The following SH3KBP1 variants were observed in gnomAD, a reference collection of about 807,000 sequenced individuals.
The protein encoded by SH3KBP1 is SH3 domain containing kinase binding protein 1.
SH3KBP1 carries 8 observed loss-of-function variants against 50.1 expected under a neutral mutation model. That is an observed-to-expected ratio of 0.16 (90% CI 0.09 to 0.29). The LOEUF (loss-of-function observed/expected upper bound fraction) is 0.29. SH3KBP1 is among the 10% of genes least tolerant of loss of function. SH3KBP1 has a pLI of 1.00. For missense variants in SH3KBP1, 377 were observed against 535.2 expected (o/e 0.70, Z 2.92); for synonymous variants, 227 against 218.6 (o/e 1.04, Z -0.34).
chrX:19,838,886 C>CAAAA (rs1187740894), intron 1 of SH3KBP1, among the ~76,000 whole-genome samples: 10 of 30,051 alleles, frequency 3.3e-4, no homozygotes, highest in African/African-American at 9.9e-4. Flanking sequence ...AACTTTGTCT[C>CAAAA]AAAAAAAAAA....
chrX:19,802,361 C>A (rs1247564764), intron 2 of SH3KBP1, among the ~76,000 whole-genome samples: 1 of 111,079 alleles, frequency 9.0e-6, no homozygotes, highest in African/African-American at 3.3e-5. Flanking sequence ...CACCACTGCA[C>A]TCCAAAATAT....
intron 9 of SH3KBP1, among the ~76,000 whole-genome samples, chrX:19,607,473 G>A (rs966590904): frequency 1.8e-5 from 2 of 111,959 alleles, no homozygotes. Context: ...GGATATGTGC[G>A]GGTGTACTCA....
chrX:19,543,570 G>C (rs2064998895), intron 15 of SH3KBP1, among the ~76,000 whole-genome samples: 1 of 111,727 alleles, frequency 9.0e-6, no homozygotes, highest in African/African-American at 3.3e-5. Flanking sequence ...TGGCCTGAAA[G>C]TTTAGGACTC....
chrX:19,779,612 A>G (rs1156801304), intron 2 of SH3KBP1, among the ~76,000 whole-genome samples: 13 of 82,037 alleles, frequency 1.6e-4, no homozygotes, highest in Non-Finnish European at 2.9e-4. Context: ...AGAGTGTGAT[A>G]TTCCCCTTCC....
chrX:19,752,292 T>C (rs1272284481), intron 2 of SH3KBP1, among the ~76,000 whole-genome samples: 2 of 112,321 alleles, frequency 1.8e-5, no homozygotes, highest in Non-Finnish European at 3.8e-5. Flanking sequence ...CCTTCTGTCA[T>C]CTGTAAAAGA....
intron 7 of SH3KBP1, among the ~76,000 whole-genome samples, chrX:19,634,665 G>C (rs772891357): frequency 9.0e-6 from 1 of 111,600 alleles, no homozygotes; most frequent in South Asian, 3.8e-4. Context: ...CGGTGGGCCA[G>C]AAGGCAGGAT....
intron 5 of SH3KBP1, chrX:19,687,543 G>C: frequency 1.2e-6 from 1 of 821,162 alleles, no homozygotes. Context: ...GCTCAGGAAA[G>C]GGCAGCTGCA....
At position 19,739,802 on chromosome X, in the gene SH3KBP1, AAGG is replaced by A. The variant is rs1335626099; in HGVS notation, c.286+6513_286+6515del. Among the ~76,000 whole-genome samples, 6 of 110,835 alleles carry A rather than the reference AAGG, an allele frequency of 5.4e-5. No individual in the cohort carries two copies. The East Asian group carries it at 1.4e-3, about 26-fold the overall frequency. ...AGGCATCCTCCATCAAGATTCTCCC[AAGG>A]AGAAGGAAAAGGTGGGCAGAAAGAG... is the stretch of plus-strand genomic sequence containing the variant. On this transcript the variant is annotated intron_variant, in intron 3 of 17. Coordinates refer to ENST00000397821, the MANE Select transcript of SH3KBP1 (RefSeq NM_031892.3).
intron 1 of SH3KBP1, among the ~76,000 whole-genome samples, chrX:19,850,295 T>C (rs1033855691): frequency 9.0e-6 from 1 of 110,784 alleles, no homozygotes; most frequent in African/African-American, 3.3e-5. Context: ...GTGATTCTCA[T>C]GTCTCAGCCT....
chrX:19,708,690 T>C (rs753040016), intron 3 of SH3KBP1, among the ~76,000 whole-genome samples: 1 of 112,065 alleles, frequency 8.9e-6, no homozygotes, highest in Admixed American at 9.4e-5. Flanking sequence ...AATCTTGGCA[T>C]CCCACTCCTG....
chrX:19,774,654 A>AAAAAG (rs2065906858), intron 2 of SH3KBP1, among the ~76,000 whole-genome samples: 1 of 77,279 alleles, frequency 1.3e-5, no homozygotes. Flanking sequence ...GTCTCAAAAA[A>AAAAAG]AAAGAAAGAA....
At chrX:19,873,281 T>C (rs962375715) in intron 1 of SH3KBP1, among the ~76,000 whole-genome samples, 10 of 86,870 alleles carry the variant, frequency 1.2e-4, no homozygotes, top group Middle Eastern at 5.3e-3. Context: ...GACATATATA[T>C]ATATATATGT....
chrX:19,548,825 A>AAGAGAGAGAGAGAGAG lies in SH3KBP1; in HGVS notation c.1494+1133_1494+1148dup, dbSNP rs61301072. ...CAAGGCAATGTGCTATATGGAAATA[A>AAGAGAGAGAGAGAGAG]AGAGAGAGAGAGAGAGAGAGAAATC... On this transcript the variant is annotated intron_variant, in intron 14 of 17. Coordinates refer to ENST00000397821, the MANE Select transcript of SH3KBP1 (RefSeq NM_031892.3). Among the ~76,000 whole-genome samples the AAGAGAGAGAGAGAGAG allele has an allele frequency of 5.5e-3, 560 of 102,459 alleles. 11 individuals carry two copies. The highest frequency in any genetic ancestry group is 0.02 in the African/African-American group (543 of 27,530). 89.0% of individuals were successfully genotyped at this position (102,459 alleles called of 115,157 possible). A position where few individuals can be genotyped will look rare whatever the true frequency, so the allele number is the denominator to read the frequency against.
chrX:19,650,621 G>C (rs1054001929), intron 6 of SH3KBP1, among the ~76,000 whole-genome samples: 2 of 112,410 alleles, frequency 1.8e-5, no homozygotes, highest in African/African-American at 6.5e-5. Flanking sequence ...AAACACAAGA[G>C]ATCACTTTTC....
chrX:19,768,267 A>C (rs993655319), intron 2 of SH3KBP1, among the ~76,000 whole-genome samples: 3 of 108,199 alleles, frequency 2.8e-5, no homozygotes, highest in African/African-American at 1.0e-4. Flanking sequence ...CAAAAGGTTA[A>C]ATATGGAAAG....
chrX:19,823,038 C>T (rs2067571835), intron 2 of SH3KBP1, among the ~76,000 whole-genome samples: 1 of 111,690 alleles, frequency 9.0e-6, no homozygotes, highest in African/African-American at 3.3e-5. Context: ...CCAATGCAGG[C>T]AGGGAATATT....
chrX:19,838,939 A>T (rs183930310), intron 1 of SH3KBP1, among the ~76,000 whole-genome samples: 132 of 110,145 alleles, frequency 1.2e-3, no homozygotes, highest in Non-Finnish European at 1.2e-3. Context: ...GAAAGAAAGA[A>T]AATGATAGAG....
rs1322471705 is a variant in SH3KBP1, at chrX:19,841,104, G to C, written c.5-4822C>G. Among the ~76,000 whole-genome samples the C allele has an allele frequency of 2.9e-4, 33 of 112,011 alleles. 2 individuals are homozygous for C. Among genetic ancestry groups the C allele is most frequent in the Non-Finnish European group, 3.8e-5 (2 of 53,180 alleles). On this transcript the variant is annotated intron_variant, in intron 1 of 17. Coordinates refer to ENST00000397821, the MANE Select transcript of SH3KBP1 (RefSeq NM_031892.3). ...AATGGGTGGTTTTTAACTGTGGGTT[G>C]GCTAAGCCAGCTGCCTAGCAGCTTC...
chrX:19,588,941 C>T, intron 11 of SH3KBP1, 139 bp from the exon 12 acceptor site: 1 of 512,909 alleles, frequency 1.9e-6, no homozygotes, highest in Non-Finnish European at 3.0e-6. Flanking sequence ...CCAAGAGCAC[C>T]ACTTATTCTT....
Sources: gnomAD v4.1 joint callset for allele counts (sites outside exome capture counted in the v4.1 genomes callset) on GRCh38, gnomAD v4.1.1 for gene constraint, MANE v1.5 for transcripts, NCBI Gene and HGNC (gene_info 2026-07-23, HGNC 2026-07-21) for gene names.